Variants in MUC17 observed in about 807,000 individuals in gnomAD.
The protein encoded by MUC17 is mucin 17, cell surface associated, also known as mucin-17.
Under a neutral mutation model 170.3 loss-of-function variants are expected in MUC17, and 190 were observed. That is an observed-to-expected ratio of 1.12 (90% CI 0.99 to 1.26). MUC17 has a LOEUF of 1.26. Ranked by LOEUF, MUC17 falls within the 50% of genes most tolerant of loss-of-function variation. The pLI is 0.00. For missense variants in MUC17, 6,415 were observed against 5,530.0 expected (o/e 1.16, Z -5.08); for synonymous variants, 2,325 against 2,002.5 (o/e 1.16, Z -4.30).
chr7:101,036,475 G>T lies in MUC17; in HGVS notation c.5059G>T (p.Glu1687Ter). 1 of 1,610,820 alleles carries T rather than the reference G, an allele frequency of 6.2e-7. No individual in the cohort carries two copies. The highest frequency in any genetic ancestry group is 8.5e-7 in the Non-Finnish European group (1 of 1,178,274). ...CAGCATGCCAACCTCAACTTATACT[G>T]AAGGAAGAACTCCTTTAACAAGTAT... ...GTSMPTSTYT[E>*]GRTPLTSITV... Residue 1687 changes from glutamate to a stop codon, truncating the protein, a stop_gained, in exon 3 of 13, where the codon GAA becomes TAA. Coordinates refer to ENST00000306151, the MANE Select transcript of MUC17 (RefSeq NM_001040105.2). LOFTEE classifies it high-confidence loss of function.
rs1259586733 is a variant in MUC17 at position 101,058,094 on chromosome 7, CT to C, written c.*52del. 1.9e-6 allele frequency: 3 copies of C among 1,554,702 alleles called. No individual in the cohort carries two copies. Among genetic ancestry groups the C allele is most frequent in the Non-Finnish European group, 2.7e-6 (3 of 1,127,518 alleles). On this transcript the variant is annotated 3_prime_UTR_variant, in exon 13 of 13. Coordinates refer to ENST00000306151, the MANE Select transcript of MUC17 (RefSeq NM_001040105.2). ...GTGAGGAGATCCCAGTCCGGCTAAGCTTGGTGGAGCATTTTCCCATTGAGAG... is the reference window on the plus strand; with the variant it reads ...GTGAGGAGATCCCAGTCCGGCTAAGCTGGTGGAGCATTTTCCCATTGAGAG...
At chr7:101,054,768 A>G (rs1173737706) in intron 11 of MUC17, among the ~76,000 whole-genome samples, 4 of 152,138 alleles carry the variant, frequency 2.6e-5, no homozygotes, top group Non-Finnish European at 5.9e-5. Flanking sequence ...TGCGTGAGCT[A>G]TGATTGCACC....
intron 1 of MUC17, among the ~76,000 whole-genome samples, chr7:101,025,566 C>A (rs1358368419): frequency 1.3e-5 from 2 of 151,692 alleles, no homozygotes; most frequent in South Asian, 2.1e-4. Context: ...CCAAGGCGGG[C>A]GGATTGCATG....
Position 101,034,968 on chromosome 7 carries a change from T to C in MUC17, c.3552T>C (p.Pro1184=), listed in dbSNP as rs780612975. The change falls in exon 3 of 13, where the codon CCT becomes CCC. Residue 1184 remains proline (P), a synonymous_variant. Transcript: ENST00000306151. ...AGGCTAACACCCTTTCAACAACTCC[T>C]GTGGACTCCAAAACTCAGGTGGCCA... ...SSEANTLSTT[P]VDSKTQVATS... 3.1e-6 allele frequency: 5 copies of C among 1,613,604 alleles called. No homozygotes were observed. In the African/African-American group the frequency reaches 5.3e-5, roughly 17 times the overall value.
At chr7:101,031,013 T>C in intron 1 of MUC17, 107 bp from the exon 2 acceptor site, 1 of 1,357,080 alleles carries the variant, frequency 7.4e-7, no homozygotes. Flanking sequence ...AGCAGGCTGG[T>C]TCAGGGGCCA....
In MUC17 at chr7:101,042,474, C is replaced by A. The variant is rs1250723225; in HGVS notation, c.11058C>A (p.Ile3686=). Residue 3686 remains isoleucine, a synonymous_variant, in exon 3 of 13, where the codon ATC becomes ATA. Transcript: ENST00000306151. ...CTCCTGAAGGTACCACCATGCCAATCTGGACGCCTAGTGAAGGAAGCACTC... is the reference window on the plus strand; with the variant it reads ...CTCCTGAAGGTACCACCATGCCAATATGGACGCCTAGTGAAGGAAGCACTC... ...PVTPEGTTMP[I]WTPSEGSTPL... is the part of the protein sequence containing the mutation. 1 of 1,612,864 alleles carries A rather than the reference C, an allele frequency of 6.2e-7. No homozygotes were observed. Among genetic ancestry groups the A allele is most frequent in the South Asian group, 1.1e-5 (1 of 90,980 alleles).
rs751056321 is a variant in MUC17 at position 101,038,131 on chromosome 7, A to G, written c.6715A>G (p.Thr2239Ala). The G allele has an allele frequency of 2.5e-6, 4 of 1,608,040 alleles. No individual in the cohort carries two copies. The African/African-American group carries it at 5.4e-5, about 22-fold the overall frequency. ...GCCGGTAGTTACTTCTGAGGCTAGC[A>G]CCCTTTCAGCAACTCCTGTTGACAC... is the stretch of plus-strand genomic sequence containing the variant. ...TMPVVTSEAS[T>A]LSATPVDTST... Residue 2239 changes from threonine to alanine, a missense_variant, in exon 3 of 13, where the codon ACC becomes GCC. Transcript: ENST00000306151.
At chr7:101,023,022 A>C (rs1253771303) in intron 1 of MUC17, among the ~76,000 whole-genome samples, 1 of 152,146 alleles carries the variant, frequency 6.6e-6, no homozygotes, top group African/African-American at 2.4e-5. Context: ...GGAGGCCAGA[A>C]TCTAAAACCG....
rs1486492414 is a variant in MUC17 at position 101,020,193 on chromosome 7, C to A, written c.58C>A (p.Pro20Thr). 1.2e-6 allele frequency: 2 copies of A among 1,609,744 alleles called. No homozygotes were observed. The highest frequency in any genetic ancestry group is 2.2e-5 in the South Asian group (2 of 90,026). The change falls in exon 1 of 13, where the codon CCC becomes ACC. Residue 20 changes from proline to threonine, a missense_variant. Pro to Thr is a conservative substitution (Grantham distance 38). Coordinates refer to ENST00000306151, the MANE Select transcript of MUC17 (RefSeq NM_001040105.2). Reference protein sequence around the residue: ...CLLTLVLSLLPPQAAAEQDLS... With the variant: ...CLLTLVLSLLTPQAAAEQDLS... ...GCTGACCTTGGTCCTCTCGCTCTTG[C>A]CCCCACAAGCTGCTGCAGAACAGGG...
At position 101,038,326 on chromosome 7, in the gene MUC17, G is replaced by A. The variant is rs768120513; in HGVS notation, c.6910G>A (p.Val2304Ile). ...SEVSTLSTTP[V>I]DSNTPFTTST... ...GGTTAGCACCCTTTCAACAACTCCTGTTGACTCCAACACTCCTTTCACTAC... is the reference window on the plus strand; with the variant it reads ...GGTTAGCACCCTTTCAACAACTCCTATTGACTCCAACACTCCTTTCACTAC... Residue 2304 changes from valine to isoleucine, a missense_variant, in exon 3 of 13, where the codon GTT becomes ATT. Transcript: ENST00000306151. The A allele has an allele frequency of 3.1e-6, 5 of 1,613,374 alleles. No individual in the cohort carries two copies. Among genetic ancestry groups the A allele is most frequent in the Non-Finnish European group, 4.2e-6 (5 of 1,179,708 alleles).
chr7:101,033,422 C>T lies in MUC17; in HGVS notation c.2006C>T (p.Ser669Phe). ...ACCACTTCAACTGAAGCCACTTCAT[C>T]TTCTACAACTGCGGAAGGTACCAGC... The part of the protein sequence containing the change: ...PVTTSTEATS[S>F]STTAEGTSMP... Residue 669 changes from serine (S) to phenylalanine (F), a missense_variant, in exon 3 of 13, where the codon TCT becomes TTT. Ser to Phe is a radical substitution (Grantham distance 155, BLOSUM62 -2). Transcript: ENST00000306151. The T allele has an allele frequency of 1.2e-6, 2 of 1,613,496 alleles. No individual in the cohort carries two copies. The highest frequency in any genetic ancestry group is 1.7e-6 in the Non-Finnish European group (2 of 1,179,706).
In MUC17 at chr7:101,038,103, C is replaced by G. The variant is rs1370976849; in HGVS notation, c.6687C>G (p.Thr2229=). ...CATTCACAAGTATGCCTGTCAGCACCATGCCGGTAGTTACTTCTGAGGCTA... is the reference window on the plus strand; with the variant it reads ...CATTCACAAGTATGCCTGTCAGCACGATGCCGGTAGTTACTTCTGAGGCTA... ...STPFTSMPVS[T]MPVVTSEAST... is the part of the protein sequence containing the mutation. The change falls in exon 3 of 13, where the codon ACC becomes ACG. Residue 2229 remains threonine (T), a synonymous_variant. Coordinates refer to ENST00000306151, the MANE Select transcript of MUC17 (RefSeq NM_001040105.2). 3 of 1,405,656 alleles carry G rather than the reference C, an allele frequency of 2.1e-6. No homozygotes were observed. The African/African-American group carries it at 4.4e-5, about 20-fold the overall frequency. The allele number at this position is 1,405,656 out of a possible 1,614,324, so 87.1% of individuals were successfully genotyped here. A position where few individuals can be genotyped will look rare whatever the true frequency, so the allele number is the denominator to read the frequency against.
rs746540248 is a variant in MUC17 at position 101,040,457 on chromosome 7, C to T, written c.9041C>T (p.Thr3014Ile). 6.2e-7 allele frequency: 1 copy of T among 1,612,196 alleles called. No homozygotes were observed. Among genetic ancestry groups the T allele is most frequent in the South Asian group, 1.1e-5 (1 of 90,846 alleles). Residue 3014 changes from threonine to isoleucine, a missense_variant, in exon 3 of 13, where the codon ACC becomes ATC. By Grantham distance (89) the Thr-to-Ile change is moderately conservative. Transcript: ENST00000306151. ...ACCCTTTCAAGAACTCCTGCTGACA[C>T]CAGCACACCTGTGACCACTTCTACT... ...ASTLSRTPAD[T>I]STPVTTSTEA...
At chr7:101,052,038 G>A in intron 9 of MUC17, 76 bp downstream of exon 9, 2 of 1,520,652 alleles carry the variant, frequency 1.3e-6, no homozygotes, top group South Asian at 1.3e-5. Flanking sequence ...TTCACCCCAG[G>A]CATTGCCTGG....
At chr7:101,053,312 G>A in intron 10 of MUC17, 27 bp from the exon 11 acceptor site, 1 of 1,605,096 alleles carries the variant, frequency 6.2e-7, no homozygotes, top group Non-Finnish European at 8.5e-7. Context: ...AATCCTAATG[G>A]GGTCTCTCTG....
Position 101,042,218 on chromosome 7 carries a change from T to C in MUC17, c.10802T>C (p.Val3601Ala). 6.2e-7 allele frequency: 1 copy of C among 1,614,172 alleles called. No individual in the cohort carries two copies. The highest frequency in any genetic ancestry group is 8.5e-7 in the Non-Finnish European group (1 of 1,180,010). Residue 3601 changes from valine to alanine, a missense_variant, in exon 3 of 13, where the codon GTT (valine) becomes GCT (alanine). Coordinates refer to ENST00000306151, the MANE Select transcript of MUC17 (RefSeq NM_001040105.2). Reference protein sequence around the residue: ...SEASTPSTPSVDRSTPVTTST... With the variant: ...SEASTPSTPSADRSTPVTTST... ...GCTAGCACACCTTCCACTCCTTCTGTTGACAGAAGCACACCTGTGACCACT... is the reference window on the plus strand; with the variant it reads ...GCTAGCACACCTTCCACTCCTTCTGCTGACAGAAGCACACCTGTGACCACT...
chr7:101,042,415 A>G lies in MUC17; in HGVS notation c.10999A>G (p.Ile3667Val). The G allele has an allele frequency of 6.2e-7, 1 of 1,614,058 alleles. No individual in the cohort carries two copies. The highest frequency in any genetic ancestry group is 8.5e-7 in the Non-Finnish European group (1 of 1,180,000). Residue 3667 changes from isoleucine (I) to valine (V), a missense_variant, in exon 3 of 13, where the codon ATC (isoleucine) becomes GTC (valine). Coordinates refer to ENST00000306151, the MANE Select transcript of MUC17 (RefSeq NM_001040105.2). ...TCCTGTTGACACCAGCACACCTGTG[A>G]TCACTTCTACCCAAGTCAGTTCATC... ...TLPVDTSTPV[I>V]TSTQVSSSPV...
rs763930976 is a variant in MUC17, at chr7:101,038,662, A to G, written c.7246A>G (p.Thr2416Ala). ...GCCGGTGGTCAGTTCTGAGGCTAGC[A>G]CCCATTCCACAACTCCTGTTGACAC... ...TMPVVSSEAS[T>A]HSTTPVDTST... The change falls in exon 3 of 13, where the codon ACC (threonine) becomes GCC (alanine). Residue 2416 changes from threonine to alanine, a missense_variant. Coordinates refer to ENST00000306151, the MANE Select transcript of MUC17 (RefSeq NM_001040105.2). The G allele has an allele frequency of 3.1e-6, 5 of 1,613,820 alleles. No individual in the cohort carries two copies. The South Asian group carries it at 4.4e-5, about 14-fold the overall frequency.
rs1407889551 is a variant in MUC17, at chr7:101,043,819, T to A, written c.12403T>A (p.Cys4135Ser). ...TCCTACTGTGCCAAGAACCACAACA[T>A]GTAAGTGATTTCTTGAATTTTCCTT... is the stretch of plus-strand genomic sequence containing the variant. Reference protein sequence around the residue: ...STPTVPRTTTCFGDGCQNTAS... With the variant: ...STPTVPRTTTSFGDGCQNTAS... The change falls in exon 3 of 13, where the codon TGC becomes AGC. Residue 4135 changes from cysteine to serine, a missense_variant and splice_region_variant. Cys to Ser is a moderately radical substitution (Grantham distance 112, BLOSUM62 -1). Coordinates refer to ENST00000306151, the MANE Select transcript of MUC17 (RefSeq NM_001040105.2). 6.3e-7 allele frequency: 1 copy of A among 1,581,722 alleles called. No homozygotes were observed. The highest frequency in any genetic ancestry group is 8.6e-7 in the Non-Finnish European group (1 of 1,163,856).
Sources: gnomAD v4.1 joint callset for allele counts (sites outside exome capture counted in the v4.1 genomes callset) on GRCh38, gnomAD v4.1.1 for gene constraint, MANE v1.5 for transcripts, NCBI Gene and HGNC (gene_info 2026-07-23, HGNC 2026-07-21) for gene names.